The following MSI2 variants were observed in gnomAD, a reference collection of about 807,000 sequenced individuals.
MSI2 encodes RNA-binding protein Musashi homolog 2.
A neutral mutation model predicts 45.6 loss-of-function variants in MSI2; 17 were observed. The ratio of observed to expected loss-of-function variants is 0.37; its 90% confidence interval spans 0.26 to 0.56. MSI2 has a LOEUF of 0.56. MSI2 is among the 20% of genes least tolerant of loss of function. The pLI is 0.77. For missense variants in MSI2, 293 were observed against 444.2 expected (o/e 0.66, Z 3.06); for synonymous variants, 156 against 158.2 (o/e 0.99, Z 0.11).
At chr17:57,463,209 G>T (rs74649392) in intron 6 of MSI2, among the ~76,000 whole-genome samples, 5,784 of 152,256 alleles carry the variant, frequency 0.038, 350 homozygotes, top group African/African-American at 0.13. Context: ...GGAGTGTCAA[G>T]CCTGCATTGA....
intron 7 of MSI2, among the ~76,000 whole-genome samples, chr17:57,568,653 C>T (rs747493835): frequency 6.6e-6 from 1 of 152,212 alleles, no homozygotes; most frequent in Non-Finnish European, 1.5e-5. Flanking sequence ...CTGATAGAGG[C>T]CTTCACACTA....
Position 57,256,762 on chromosome 17 carries a change from A to C in MSI2, c.20A>C (p.Gln7Pro). 1.4e-6 allele frequency: 2 copies of C among 1,475,254 alleles called. No individual in the cohort carries two copies. Among genetic ancestry groups the C allele is most frequent in the Non-Finnish European group, 9.0e-7 (1 of 1,114,638 alleles). The allele number at this position is 1,475,254 out of a possible 1,614,324, so 91.4% of individuals were successfully genotyped here. A position where few individuals can be genotyped will look rare whatever the true frequency, so the allele number is the denominator to read the frequency against. ...TCAGATATGGAGGCAAATGGGAGCC[A>C]AGGCACCTCGGGCAGCGCCAACGAC... MEANGS[Q>P]GTSGSANDSQ... Residue 7 changes from glutamine (Q) to proline (P), a missense_variant, in exon 1 of 14, where the codon CAA becomes CCA. Transcript: ENST00000284073.
chr17:57,587,890 T>C (rs1167670562), intron 7 of MSI2, among the ~76,000 whole-genome samples: 10 of 152,200 alleles, frequency 6.6e-5, no homozygotes, highest in Non-Finnish European at 1.3e-4. Context: ...TATCATGATG[T>C]CTGGCGTGTC....
At chr17:57,343,632 C>T (rs1237223550) in intron 5 of MSI2, among the ~76,000 whole-genome samples, 2 of 152,124 alleles carry the variant, frequency 1.3e-5, no homozygotes, top group African/African-American at 4.8e-5. Flanking sequence ...TGTAATCTAC[C>T]ATCTGCATTT....
rs977277733 is a variant in MSI2, at chr17:57,334,466, C to T, written c.313-66913C>T. Among the ~76,000 whole-genome samples, 51 of 152,036 alleles carry T rather than the reference C, an allele frequency of 3.4e-4. 1 individual carries two copies. The highest frequency in any genetic ancestry group is 7.4e-5 in the Non-Finnish European group (5 of 67,986). On this transcript the variant is annotated intron_variant, in intron 5 of 13. Coordinates refer to ENST00000284073, the MANE Select transcript of MSI2 (RefSeq NM_138962.4). ...GGACTGGCAGGGCAGCTGGGGAACG[C>T]CTCTGAAAGCAACACTCCCCAAGAT...
At chr17:57,622,016 A>G (rs1303670226) in intron 9 of MSI2, among the ~76,000 whole-genome samples, 5 of 152,154 alleles carry the variant, frequency 3.3e-5, no homozygotes, top group Non-Finnish European at 7.3e-5. Context: ...TGGCCAACAT[A>G]GTGAAAACTC....
intron 5 of MSI2, among the ~76,000 whole-genome samples, chr17:57,323,510 T>C (rs559994296): frequency 6.6e-6 from 1 of 152,336 alleles, no homozygotes; most frequent in Admixed American, 6.5e-5. Context: ...TGCCCTCCTG[T>C]CCCTGCAGCC....
rs375437893 is a variant in MSI2 at position 57,477,895 on chromosome 17, C to T, written c.406-51781C>T. 1.2e-3 allele frequency among the ~76,000 whole-genome samples: 188 copies of T among 152,312 alleles called. 2 individuals are homozygous for T. The South Asian group carries it at 0.033, about 26-fold the overall frequency. ...GAAGGCATTTGAAGCAAGAGACTAT[C>T]GCAGCCTTGGTTTAATCCATGTAAC... is the stretch of plus-strand genomic sequence containing the variant. On this transcript the variant is annotated intron_variant, in intron 6 of 13. Transcript: ENST00000284073.
chr17:57,348,306 G>A (rs1383219342), intron 5 of MSI2, among the ~76,000 whole-genome samples: 6 of 152,172 alleles, frequency 3.9e-5, no homozygotes, highest in Non-Finnish European at 7.3e-5. Flanking sequence ...TGGGACAAGA[G>A]GCCACTGCTC....
intron 7 of MSI2, among the ~76,000 whole-genome samples, chr17:57,569,614 G>A (rs1015754525): frequency 6.6e-6 from 1 of 152,232 alleles, no homozygotes; most frequent in Non-Finnish European, 1.5e-5. Context: ...GAAGAAGCAA[G>A]AGGAAGATGA....
In MSI2 at chr17:57,596,772, T is replaced by C. The variant is rs943773296; in HGVS notation, c.455-96T>C. 1.2e-5 allele frequency: 10 copies of C among 800,908 alleles called. No individual in the cohort carries two copies. In the African/African-American group the frequency reaches 1.5e-4, roughly 12 times the overall value. The allele number at this position is 800,908 out of a possible 1,614,324, so 49.6% of individuals were successfully genotyped here. A position where few individuals can be genotyped will look rare whatever the true frequency, so the allele number is the denominator to read the frequency against. ...CCTACCTACCCCCAGACCAGGAGGC[T>C]GTCAAGACCTCAGGACGTCAGAGAA... On this transcript the variant is annotated intron_variant, in intron 7 of 13. Transcript: ENST00000284073. This position sits in a 1 kb window ranked among gnomAD's most constrained non-coding sequence, Gnocchi z 4.6.
At chr17:57,544,283 G>T (rs958770361) in intron 7 of MSI2, among the ~76,000 whole-genome samples, 5 of 152,198 alleles carry the variant, frequency 3.3e-5, no homozygotes, top group African/African-American at 1.2e-4. Context: ...TAGGTTTATG[G>T]CCTCTTTAGT....
At chr17:57,298,334 G>A (rs1231415760) in intron 5 of MSI2, among the ~76,000 whole-genome samples, 1 of 152,216 alleles carries the variant, frequency 6.6e-6, no homozygotes, top group Non-Finnish European at 1.5e-5. Flanking sequence ...GAGCTGTAAT[G>A]TTTTGAAAGG....
the MSI2 span, among the ~76,000 whole-genome samples, chr17:57,698,886 C>T: frequency 7.2e-6 from 1 of 139,772 alleles, no homozygotes; most frequent in South Asian, 2.3e-4. Flanking sequence ...GAAATAGATA[C>T]AAGGAAGTGT....
At chr17:57,346,510 G>A (rs1915623185) in intron 5 of MSI2, among the ~76,000 whole-genome samples, 2 of 152,212 alleles carry the variant, frequency 1.3e-5, no homozygotes, top group Admixed American at 1.3e-4. Flanking sequence ...ATGTGAATAA[G>A]TGTAGTCCAA....
rs1913804437 is a variant in MSI2 at position 57,684,429 on chromosome 17, A to G, written c.*4912A>G. On this transcript the variant is annotated 3_prime_UTR_variant, in exon 14 of 14. Coordinates refer to ENST00000284073, the MANE Select transcript of MSI2 (RefSeq NM_138962.4). Reference sequence around the variant, plus strand: ...TTGGTAGTGAGTATTTTTTTTATATATATACATATATATGTACTATCTATA... The same window carrying G: ...TTGGTAGTGAGTATTTTTTTTATATGTATACATATATATGTACTATCTATA... The G allele has an allele frequency of 8.0e-6, 1 of 124,976 alleles. No individual in the cohort carries two copies. Among genetic ancestry groups the G allele is most frequent in the South Asian group, 2.3e-4 (1 of 4,296 alleles). The allele number at this position is 124,976 out of a possible 1,614,324, so 7.7% of individuals were successfully genotyped here.
At chr17:57,432,102 A>T (rs1413808984) in intron 6 of MSI2, among the ~76,000 whole-genome samples, 1 of 152,062 alleles carries the variant, frequency 6.6e-6, no homozygotes, top group Non-Finnish European at 1.5e-5. Flanking sequence ...CCTTCCATTA[A>T]ATATTAAGCT....
In MSI2 at chr17:57,475,804, TAC is replaced by T. The variant is rs56753762; in HGVS notation, c.406-53855_406-53854del. Among the ~76,000 whole-genome samples, 61 of 150,178 alleles carry T rather than the reference TAC, an allele frequency of 4.1e-4. No individual in the cohort carries two copies. In the East Asian group the frequency reaches 5.7e-3, roughly 14 times the overall value. On this transcript the variant is annotated intron_variant, in intron 6 of 13. Coordinates refer to ENST00000284073, the MANE Select transcript of MSI2 (RefSeq NM_138962.4). The stretch of plus-strand genomic sequence containing the variant: ...GTGTATGTGTGGATGCATGCTTGTG[TAC>T]ACACACACACACACACGAAAAGAAC...
intron 6 of MSI2, among the ~76,000 whole-genome samples, chr17:57,525,188 T>C (rs1475626792): frequency 6.6e-6 from 1 of 152,198 alleles, no homozygotes; most frequent in African/African-American, 2.4e-5. Context: ...CAGAAATATG[T>C]TCAATACCTT....
Sources: gnomAD v4.1 joint callset for allele counts (sites outside exome capture counted in the v4.1 genomes callset) on GRCh38, gnomAD v4.1.1 for gene constraint, Gnocchi (gnomAD v3.1) non-coding constraint, MANE v1.5 for transcripts, NCBI Gene and HGNC (gene_info 2026-07-23, HGNC 2026-07-21) for gene names.